The following SULF2 variants were observed in gnomAD, a reference collection of about 807,000 sequenced individuals.
The protein encoded by SULF2 is extracellular sulfatase Sulf-2.
SULF2 carries 52 observed loss-of-function variants against 107.7 expected under a neutral mutation model. The observed-to-expected ratio is 0.48, with a 90% CI of 0.39 to 0.61. The LOEUF is 0.61. Ranked by LOEUF, SULF2 falls within the 20% of genes least tolerant of loss-of-function variation. The pLI, the probability that SULF2 is intolerant of heterozygous loss-of-function variation, is 0.00. For missense variants in SULF2, 993 were observed against 1,177.3 expected, an observed-to-expected ratio of 0.84 and a Z score of 2.29; for synonymous variants, 460 against 464.3, an observed-to-expected ratio of 0.99 and a Z score of 0.12.
Position 47,736,761 on chromosome 20 carries a change from C to T in SULF2, c.357G>A (p.Gln119=). 6.2e-7 allele frequency: 1 copy of T among 1,614,242 alleles called. No homozygotes were observed. The highest frequency in any genetic ancestry group is 1.1e-5 in the South Asian group (1 of 91,088). The change falls in exon 3 of 21, where the codon CAG becomes CAA. Residue 119 remains glutamine, a synonymous_variant. Transcript: ENST00000688720. The part of the protein sequence containing the change: ...NNENCSSPSW[Q]AQHESRTFAV... Reference sequence around the variant, plus strand: ...CAAAGGTGCGGCTCTCGTGCTGTGCCTGCCAGGAGGGCGAGGAGCAGTTCT... The same window carrying T: ...CAAAGGTGCGGCTCTCGTGCTGTGCTTGCCAGGAGGGCGAGGAGCAGTTCT...
intron 3 of SULF2, among the ~76,000 whole-genome samples, chr20:47,731,794 C>T (rs987601129): frequency 1.3e-5 from 2 of 152,160 alleles, no homozygotes; most frequent in African/African-American, 2.4e-5. Flanking sequence ...ATGCTGCTGG[C>T]GCATATGATT....
intron 3 of SULF2, among the ~76,000 whole-genome samples, chr20:47,728,116 G>A (rs1044155081): frequency 8.5e-5 from 13 of 152,186 alleles, no homozygotes; most frequent in Admixed American, 8.5e-4. Context: ...ACTCCACGGG[G>A]TGAATGGAGA....
rs374538679 is a variant in SULF2 at position 47,665,917 on chromosome 20, G to A, written c.1842C>T (p.Asp614=). ...YILENDTVQC[D]LDLYKSLQAW... is the part of the protein sequence containing the mutation. Reference sequence around the variant, plus strand: ...CCTGCAGGGACTTGTACAGGTCCAGGTCACACTGGACTGTGTCGTTCTCTA... The same window carrying A: ...CCTGCAGGGACTTGTACAGGTCCAGATCACACTGGACTGTGTCGTTCTCTA... Residue 614 remains aspartate (D), a synonymous_variant, in exon 13 of 21, where the codon GAC becomes GAT. Transcript: ENST00000688720. 4 of 1,613,914 alleles carry A rather than the reference G, an allele frequency of 2.5e-6. No individual in the cohort carries two copies. The highest frequency in any genetic ancestry group is 1.3e-5 in the African/African-American group (1 of 74,932).
chr20:47,711,586 C>G (rs1278430255), intron 3 of SULF2, among the ~76,000 whole-genome samples: 1 of 152,228 alleles, frequency 6.6e-6, no homozygotes, highest in African/African-American at 2.4e-5. Flanking sequence ...ACATGTTCAT[C>G]CCACACCATT....
chr20:47,751,552 G>A (rs999856088), intron 2 of SULF2, among the ~76,000 whole-genome samples: 3 of 152,188 alleles, frequency 2.0e-5, no homozygotes, highest in African/African-American at 7.2e-5. Flanking sequence ...AGTGATGCCA[G>A]GAATGCTGCC....
At chr20:47,784,631 C>T (rs1297041966) in intron 1 of SULF2, among the ~76,000 whole-genome samples, 4 of 152,284 alleles carry the variant, frequency 2.6e-5, no homozygotes, top group African/African-American at 9.6e-5. Context: ...AGCCGCGTTT[C>T]CCTGGAACAG....
chr20:47,695,122 C>A (rs1259787429), intron 4 of SULF2, among the ~76,000 whole-genome samples: 1 of 152,208 alleles, frequency 6.6e-6, no homozygotes, highest in African/African-American at 2.4e-5. Flanking sequence ...CTGCAGGCCC[C>A]CTGTCTCTGT....
At chr20:47,773,911 A>AT (rs1258864708) in intron 1 of SULF2, among the ~76,000 whole-genome samples, 1 of 152,246 alleles carries the variant, frequency 6.6e-6, no homozygotes, top group Non-Finnish European at 1.5e-5. Flanking sequence ...CCAGAAGAAT[A>AT]TAAAAGGAAT....
chr20:47,760,683 C>A (rs1254532044), intron 1 of SULF2, among the ~76,000 whole-genome samples: 2 of 152,180 alleles, frequency 1.3e-5, no homozygotes, highest in African/African-American at 4.8e-5. Context: ...TCTAGCACCT[C>A]CCCTGGGAGC....
chr20:47,714,087 A>G (rs1460780345), intron 3 of SULF2, among the ~76,000 whole-genome samples: 1 of 152,232 alleles, frequency 6.6e-6, no homozygotes, highest in East Asian at 1.9e-4. Context: ...TCGGCGAAAG[A>G]TGAAGCAGAA....
chr20:47,740,817 T>A (rs988730059), intron 2 of SULF2, among the ~76,000 whole-genome samples: 1 of 152,052 alleles, frequency 6.6e-6, no homozygotes, highest in African/African-American at 2.4e-5. Flanking sequence ...AACCCTGACA[T>A]CCATTGATGT....
At chr20:47,754,900 A>T (rs375275355) in intron 2 of SULF2, among the ~76,000 whole-genome samples, 5 of 152,226 alleles carry the variant, frequency 3.3e-5, no homozygotes, top group East Asian at 3.9e-4. Context: ...CAGTGGTGTG[A>T]CCTAGGCTCA....
chr20:47,768,559 C>T (rs941235759), intron 1 of SULF2, among the ~76,000 whole-genome samples: 4 of 152,268 alleles, frequency 2.6e-5, no homozygotes, highest in Non-Finnish European at 5.9e-5. Flanking sequence ...CCTCAGGGCA[C>T]GGCCTACCAG....
intron 20 of SULF2, 95 bp downstream of exon 20, chr20:47,659,304 G>A (rs2086991299): frequency 1.8e-6 from 2 of 1,085,652 alleles, no homozygotes; most frequent in African/African-American, 1.5e-5. Flanking sequence ...CAAACAAAGG[G>A]TGGTATGTAA....
At chr20:47,719,868 A>C (rs2089234934) in intron 3 of SULF2, among the ~76,000 whole-genome samples, 1 of 152,060 alleles carries the variant, frequency 6.6e-6, no homozygotes, top group Non-Finnish European at 1.5e-5. Flanking sequence ...CTGGCAGCAG[A>C]CTCCTGTAGG....
chr20:47,769,858 C>T (rs2090596273), intron 1 of SULF2, among the ~76,000 whole-genome samples: 1 of 151,834 alleles, frequency 6.6e-6, no homozygotes, highest in East Asian at 1.9e-4. Flanking sequence ...TTGGGTGGAT[C>T]CCTGCAGGAG....
rs1173922079 is a variant in SULF2, at chr20:47,694,643, G to C, written c.568-4348C>G. Among the ~76,000 whole-genome samples, 1 of 152,164 alleles carries C rather than the reference G, an allele frequency of 6.6e-6. No individual in the cohort carries two copies. The highest frequency in any genetic ancestry group is 2.4e-5 in the African/African-American group (1 of 41,428). On this transcript the variant is annotated intron_variant, in intron 4 of 20. Coordinates refer to ENST00000688720, the MANE Select transcript of SULF2 (RefSeq NM_001387048.1). The surrounding 1 kb of genome is among the most constrained non-coding windows in gnomAD (Gnocchi z 4.4). ...CTGGCAAGCACCCTCTGAGCCTCAG[G>C]TGATTCCTGCAGGCATCCACAAGCT...
chr20:47,752,324 G>C (rs1185241281), intron 2 of SULF2, among the ~76,000 whole-genome samples: 2 of 152,200 alleles, frequency 1.3e-5, no homozygotes, highest in Non-Finnish European at 2.9e-5. Flanking sequence ...GGCACAGAGA[G>C]GGCAAATCTT....
chr20:47,758,576 C>T (rs1600664113), intron 1 of SULF2, among the ~76,000 whole-genome samples: 1 of 152,150 alleles, frequency 6.6e-6, no homozygotes, highest in East Asian at 1.9e-4. Context: ...TCAGTCACCC[C>T]CCTGGCCCCA....
Sources: allele counts gnomAD v4.1 joint callset (sites outside exome capture counted in the v4.1 genomes callset), GRCh38; gene constraint gnomAD v4.1.1; non-coding constraint Gnocchi (gnomAD v3.1); transcripts MANE v1.5; gene names NCBI Gene and HGNC (gene_info 2026-07-23, HGNC 2026-07-21).